The following CUL3 variants were observed in gnomAD, a reference collection of about 807,000 sequenced individuals.
The protein encoded by CUL3 is cullin-3.
A neutral mutation model predicts 89.1 loss-of-function variants in CUL3; 19 were observed. That is an observed-to-expected ratio of 0.21 (90% CI 0.15 to 0.31). The LOEUF (loss-of-function observed/expected upper bound fraction) is 0.31. Among genes scored for constraint, CUL3 ranks in the 10% least tolerant of loss-of-function variants. The pLI is 1.00. For missense variants in CUL3, 469 were observed against 942.3 expected, an observed-to-expected ratio of 0.50 and a Z score of 6.58; for synonymous variants, 351 against 308.4, an observed-to-expected ratio of 1.14 and a Z score of -1.45.
At chr2:224,517,400 C>T (rs757771879) in intron 3 of CUL3, among the ~76,000 whole-genome samples, 14 of 152,240 alleles carry the variant, frequency 9.2e-5, no homozygotes, top group Admixed American at 1.3e-4. Context: ...AGGCCAGGTG[C>T]GGTGGCTCAC....
chr2:224,532,559 A>G (rs1693735109), intron 3 of CUL3, among the ~76,000 whole-genome samples: 1 of 152,178 alleles, frequency 6.6e-6, no homozygotes, highest in South Asian at 2.1e-4. Flanking sequence ...ACTTAACATA[A>G]TAGTTGAGGT....
In CUL3 at chr2:224,518,585, G is replaced by C. The variant is rs1021918000; in HGVS notation, c.379-3813C>G. Among the ~76,000 whole-genome samples, 4 of 152,118 alleles carry C rather than the reference G, an allele frequency of 2.6e-5. No individual in the cohort carries two copies. In the South Asian group the frequency reaches 6.2e-4, roughly 24 times the overall value. ...TTTAATAAAAAACCTCTAATAGTAA[G>C]AATAATATTTGATGTGAAGTTAGGA... is the stretch of plus-strand genomic sequence containing the variant. On this transcript the variant is annotated intron_variant, in intron 3 of 15. Transcript: ENST00000264414.
At chr2:224,538,629 GAAAA>G (rs1693978609) in intron 2 of CUL3, among the ~76,000 whole-genome samples, 1 of 152,116 alleles carries the variant, frequency 6.6e-6, no homozygotes, top group Admixed American at 6.6e-5. Flanking sequence ...GATAATTAAA[GAAAA>G]CCTATACTAA....
At chr2:224,583,039 A>T (rs1695478635) in intron 1 of CUL3, among the ~76,000 whole-genome samples, 1 of 152,140 alleles carries the variant, frequency 6.6e-6, no homozygotes, top group African/African-American at 2.4e-5. Context: ...AGAACATGAG[A>T]CTTCAAGAAT....
At chr2:224,521,503 T>G (rs1278134896) in intron 3 of CUL3, among the ~76,000 whole-genome samples, 3 of 152,086 alleles carry the variant, frequency 2.0e-5, no homozygotes, top group African/African-American at 7.2e-5. Context: ...CGATCTCGGT[T>G]CACTGCAACT....
rs372269552 is a variant in CUL3 at position 224,471,282 on chromosome 2, T to C, written c.*2963A>G. The C allele has an allele frequency of 4.9e-6, 1 of 205,340 alleles. No individual in the cohort carries two copies. 12.7% of individuals were successfully genotyped at this position (205,340 alleles called of 1,614,324 possible). Reference sequence around the variant, plus strand: ...ATAAAAAATTATTCTATGAAAGTCTTAAGTTACAGTAGACAGGCAAAGATA... The same window carrying C: ...ATAAAAAATTATTCTATGAAAGTCTCAAGTTACAGTAGACAGGCAAAGATA... On this transcript the variant is annotated 3_prime_UTR_variant, in exon 16 of 16. Coordinates refer to ENST00000264414, the MANE Select transcript of CUL3 (RefSeq NM_003590.5).
rs1691666135 is a variant in CUL3, at chr2:224,485,065, TGA to T, written c.1843-2989_1843-2988del. 1 of 152,254 alleles carries T rather than the reference TGA, an allele frequency of 6.6e-6. No individual in the cohort carries two copies. The highest frequency in any genetic ancestry group is 1.5e-5 in the Non-Finnish European group (1 of 68,118). The allele number at this position is 152,254 out of a possible 1,614,324, so 9.4% of individuals were successfully genotyped here. The stretch of plus-strand genomic sequence containing the variant: ...TCCCTCCCCTAGCCAAGGGAAGCCC[TGA>T]GGGACTGTGCTATCTGGCCCAAATA... On this transcript the variant is annotated intron_variant, in intron 13 of 15. Coordinates refer to ENST00000264414, the MANE Select transcript of CUL3 (RefSeq NM_003590.5). This position sits in a 1 kb window ranked among gnomAD's most constrained non-coding sequence, Gnocchi z 4.1.
chr2:224,580,767 A>C (rs568464216), intron 1 of CUL3, among the ~76,000 whole-genome samples: 1 of 152,340 alleles, frequency 6.6e-6, no homozygotes, highest in Non-Finnish European at 1.5e-5. Flanking sequence ...GTATCTATAA[A>C]ATATCCAGTA....
At chr2:224,539,901 C>G (rs1694033412) in intron 2 of CUL3, among the ~76,000 whole-genome samples, 1 of 151,958 alleles carries the variant, frequency 6.6e-6, no homozygotes, top group Non-Finnish European at 1.5e-5. Flanking sequence ...AGTGAGCCCT[C>G]ATGTAAACTA....
chr2:224,581,561 G>C (rs1695438599), intron 1 of CUL3, among the ~76,000 whole-genome samples: 1 of 147,088 alleles, frequency 6.8e-6, no homozygotes, highest in African/African-American at 2.5e-5. Flanking sequence ...GGAGTGCAGT[G>C]GCACGATCTT....
At chr2:224,532,584 A>C (rs762350839) in intron 3 of CUL3, among the ~76,000 whole-genome samples, 7 of 152,166 alleles carry the variant, frequency 4.6e-5, no homozygotes, top group Non-Finnish European at 8.8e-5. Flanking sequence ...GCTTAACTGT[A>C]ATGTATTCAA....
intron 1 of CUL3, among the ~76,000 whole-genome samples, chr2:224,567,732 T>A (rs1190820437): frequency 6.8e-6 from 1 of 146,254 alleles, no homozygotes; most frequent in African/African-American, 2.5e-5. Context: ...AGAGTGAGAC[T>A]CTGTCTCAAA....
chr2:224,526,177 G>T (rs932283834), intron 3 of CUL3, among the ~76,000 whole-genome samples: 8 of 152,174 alleles, frequency 5.3e-5, no homozygotes, highest in African/African-American at 1.9e-4. Context: ...GACAAAGCAG[G>T]AACTAGTTTC....
chr2:224,512,387 T>C (rs1395931762), intron 5 of CUL3, among the ~76,000 whole-genome samples: 1 of 152,190 alleles, frequency 6.6e-6, no homozygotes, highest in Non-Finnish European at 1.5e-5. Flanking sequence ...TGAGCCACTG[T>C]GCCCGGCCAA....
intron 13 of CUL3, among the ~76,000 whole-genome samples, chr2:224,491,863 CTTG>C (rs1691995329): frequency 1.3e-5 from 2 of 152,266 alleles, no homozygotes. Flanking sequence ...TAGGCAACTG[CTTG>C]TTTTTACAAT....
In CUL3 at chr2:224,506,075, CATT is replaced by C; in HGVS notation, c.1084_1086del (p.Asn362del). ...GCAATAGTTTGTTTAAAGAGACGGT[CATT>C]GTTGAATGATTCCAGGAGGAAGCGA... On this transcript the variant is annotated inframe_deletion, in exon 8 of 16. Coordinates refer to ENST00000264414, the MANE Select transcript of CUL3 (RefSeq NM_003590.5). 6.2e-7 allele frequency: 1 copy of C among 1,612,586 alleles called. No individual in the cohort carries two copies. Among genetic ancestry groups the C allele is most frequent in the Non-Finnish European group, 8.5e-7 (1 of 1,179,150 alleles).
chr2:224,522,398 C>T (rs377000283), intron 3 of CUL3, among the ~76,000 whole-genome samples: 8 of 150,870 alleles, frequency 5.3e-5, no homozygotes, highest in African/African-American at 1.7e-4. Flanking sequence ...ACTGACTACA[C>T]TTCTAAAACA....
chr2:224,532,692 C>G (rs11694987), intron 3 of CUL3, among the ~76,000 whole-genome samples: 41,251 of 151,988 alleles, frequency 0.27, 6,183 homozygotes, highest in Middle Eastern at 0.4. Context: ...GGAGACAGTG[C>G]AGGGGTTCAC....
intron 1 of CUL3, chr2:224,563,457 T>C: frequency 4.0e-6 from 1 of 249,120 alleles, no homozygotes; most frequent in South Asian, 4.2e-5. Context: ...TGTGCACTTC[T>C]TTTCTGGAGA....
Sources: gnomAD v4.1 joint callset for allele counts (sites outside exome capture counted in the v4.1 genomes callset) on GRCh38, gnomAD v4.1.1 for gene constraint, Gnocchi (gnomAD v3.1) non-coding constraint, MANE v1.5 for transcripts, NCBI Gene and HGNC (gene_info 2026-07-23, HGNC 2026-07-21) for gene names.